The following UVSSA variants were observed in gnomAD, a reference collection of about 807,000 sequenced individuals.
The protein encoded by UVSSA is UV stimulated scaffold protein A, also known as UV-stimulated scaffold protein A.
In UVSSA, 72 loss-of-function variants were observed where a neutral mutation model predicts 73.9. The observed-to-expected ratio is 0.97, with a 90% CI of 0.81 to 1.19. The LOEUF (loss-of-function observed/expected upper bound fraction) is 1.19, where lower values mean the gene tolerates loss of function less well. Among genes scored for constraint, UVSSA ranks in the 50% most tolerant of loss-of-function variants. UVSSA has a pLI of 0.00. For missense variants in UVSSA, 1,150 were observed against 965.0 expected (o/e 1.19, Z -2.54); for synonymous variants, 454 against 391.3 (o/e 1.16, Z -1.89).
chr4:1,383,886 T>C lies in UVSSA; in HGVS notation c.1982T>C (p.Leu661Pro). 1 of 1,613,508 alleles carries C rather than the reference T, an allele frequency of 6.2e-7. No individual in the cohort carries two copies. The highest frequency in any genetic ancestry group is 8.5e-7 in the Non-Finnish European group (1 of 1,179,984). ...KKRRYPSLTN[L>P]KAQADTARAR... ...AGGAGGTACCCCAGCCTCACCAACC[T>C]GAAGGCTCAGGCTGATACCGCCCGC... Residue 661 changes from leucine to proline, a missense_variant, in exon 13 of 14, where the codon CTG (leucine) becomes CCG (proline). Coordinates refer to ENST00000389851, the MANE Select transcript of UVSSA (RefSeq NM_020894.4).
At chr4:1,353,717 C>T (rs1029034320) in intron 5 of UVSSA, among the ~76,000 whole-genome samples, 10 of 152,124 alleles carry the variant, frequency 6.6e-5, no homozygotes, top group African/African-American at 9.7e-5. Context: ...GAGGCTGTTG[C>T]GGTCCTCAAA....
intron 8 of UVSSA, among the ~76,000 whole-genome samples, chr4:1,369,620 C>T (rs1211954600): frequency 6.6e-6 from 1 of 152,208 alleles, no homozygotes; most frequent in Non-Finnish European, 1.5e-5. Flanking sequence ...TAATCTCTTT[C>T]TCCAATTTAC....
At chr4:1,351,615 T>G (rs1456470707) in intron 3 of UVSSA, 100 bp from the exon 4 acceptor site, 1 of 1,295,046 alleles carries the variant, frequency 7.7e-7, no homozygotes, top group Non-Finnish European at 1.1e-6. Context: ...GGTCTCGATC[T>G]CCTGACCTCG....
intron 1 of UVSSA, 69 bp from the exon 2 acceptor site, chr4:1,348,021 C>CA (rs1713979366): frequency 1.5e-6 from 2 of 1,342,696 alleles, no homozygotes; most frequent in African/African-American, 2.9e-5. Flanking sequence ...ACCCAGTAAA[C>CA]ACGTTAATAA....
chr4:1,382,630 T>C (rs903889407), intron 12 of UVSSA, among the ~76,000 whole-genome samples: 1 of 152,242 alleles, frequency 6.6e-6, no homozygotes, highest in Non-Finnish European at 1.5e-5. Flanking sequence ...GTTCCTAAAC[T>C]GTGGCGCCTT....
intron 7 of UVSSA, 71 bp downstream of exon 7, chr4:1,355,316 T>A: frequency 7.6e-7 from 1 of 1,321,512 alleles, no homozygotes; most frequent in Non-Finnish European, 1.0e-6. Flanking sequence ...TGTGGGGGGG[T>A]TGTGCCCTGG....
chr4:1,352,938 C>G, intron 4 of UVSSA, 92 bp from the exon 5 acceptor site: 2 of 1,498,344 alleles, frequency 1.3e-6, no homozygotes, highest in Non-Finnish European at 1.8e-6. Flanking sequence ...AAGTGACACC[C>G]TGCGGGGAGT....
chr4:1,394,258 C>T (rs1720469230), exon 14 of UVSSA: 2 of 740,930 alleles, frequency 2.7e-6, no homozygotes, highest in South Asian at 1.9e-5. Flanking sequence ...TCTCGTTCCT[C>T]AGATCTTCCT....
rs779113547 is a variant in UVSSA at position 1,375,989 on chromosome 4, G to A, written c.1434-45G>A. ...GGGAGGGAGAGGAGGGTGGCTGTGGGTGGCACCAGCAGCACCGTCAGGCTG... is the reference window on the plus strand; with the variant it reads ...GGGAGGGAGAGGAGGGTGGCTGTGGATGGCACCAGCAGCACCGTCAGGCTG... On this transcript the variant is annotated intron_variant, in intron 9 of 13. Transcript: ENST00000389851. The A allele has an allele frequency of 6.4e-6, 10 of 1,563,784 alleles. No homozygotes were observed. In the South Asian group the frequency reaches 9.4e-5, roughly 15 times the overall value.
At chr4:1,378,957 A>C (rs547493296) in intron 10 of UVSSA, among the ~76,000 whole-genome samples, 314 of 152,302 alleles carry the variant, frequency 2.1e-3, no homozygotes, top group Non-Finnish European at 3.5e-3. Flanking sequence ...CTCATCCCAG[A>C]CCAAGGTGGA....
At chr4:1,352,961 G>T (rs999817373) in intron 4 of UVSSA, 69 bp from the exon 5 acceptor site, 2 of 1,541,228 alleles carry the variant, frequency 1.3e-6, no homozygotes, top group Non-Finnish European at 1.8e-6. Context: ...GCCTCTGAGT[G>T]TGGTTTTGAG....
chr4:1,353,542 C>T, intron 5 of UVSSA, 129 bp downstream of exon 5: 2 of 1,275,918 alleles, frequency 1.6e-6, no homozygotes, highest in Non-Finnish European at 2.1e-6. Flanking sequence ...GGTCAGGGGT[C>T]ACCACCAGGT....
At position 1,366,419 on chromosome 4, in the gene UVSSA, C is replaced by T. The variant is rs201394250; in HGVS notation, c.1276C>T (p.Arg426Trp). ...GYEPHIPDHL[R>W]PEYGLEAAPE... The stretch of plus-strand genomic sequence containing the variant: ...TGAGCCACACATCCCCGACCACTTG[C>T]GGCCTGAGTATGGTGAGCAGTGGGT... The change falls in exon 8 of 14, where the codon CGG becomes TGG. Residue 426 changes from arginine to tryptophan, a missense_variant. By Grantham distance (101) the Arg-to-Trp change is moderately radical. Coordinates refer to ENST00000389851, the MANE Select transcript of UVSSA (RefSeq NM_020894.4). 2.0e-4 allele frequency: 330 copies of T among 1,610,452 alleles called. No homozygotes were observed. The highest frequency in any genetic ancestry group is 2.6e-4 in the Non-Finnish European group (303 of 1,178,254).
intron 3 of UVSSA, among the ~76,000 whole-genome samples, chr4:1,350,368 G>A (rs1404766035): frequency 6.6e-6 from 1 of 152,158 alleles, no homozygotes; most frequent in Non-Finnish European, 1.5e-5. Flanking sequence ...CTGCCACGAA[G>A]GCTCAGTCCT....
rs921198963 is a variant in UVSSA at position 1,365,773 on chromosome 4, C to G, written c.1177-547C>G. 2.6e-5 allele frequency among the ~76,000 whole-genome samples: 4 copies of G among 152,296 alleles called. No homozygotes were observed. In the East Asian group the frequency reaches 7.7e-4, roughly 29 times the overall value. Reference sequence around the variant, plus strand: ...GGCCCGTTGCCTAAGAGCAGACGCACCTGCTCCACCTGGTGGGAAGATAAC... The same window carrying G: ...GGCCCGTTGCCTAAGAGCAGACGCAGCTGCTCCACCTGGTGGGAAGATAAC... On this transcript the variant is annotated intron_variant, in intron 7 of 13. Transcript: ENST00000389851.
chr4:1,394,193 C>T (rs1577396017), exon 14 of UVSSA: 1 of 497,040 alleles, frequency 2.0e-6, no homozygotes, highest in Non-Finnish European at 3.6e-6. Flanking sequence ...TGTGTGGGCA[C>T]AGCCTTCCAT....
intron 12 of UVSSA, among the ~76,000 whole-genome samples, chr4:1,382,185 C>T (rs560536107): frequency 6.6e-6 from 1 of 152,252 alleles, no homozygotes; most frequent in South Asian, 2.1e-4. Flanking sequence ...GGGCCCTGAC[C>T]TGCTAATCTC....
At chr4:1,370,134 C>T (rs1471042901) in intron 8 of UVSSA, among the ~76,000 whole-genome samples, 5 of 152,050 alleles carry the variant, frequency 3.3e-5, no homozygotes, top group Non-Finnish European at 5.9e-5. Context: ...AACAACAAAT[C>T]GATGAAAAAT....
At chr4:1,375,235 C>T in intron 8 of UVSSA, 129 bp from the exon 9 acceptor site, 2 of 1,450,330 alleles carry the variant, frequency 1.4e-6, no homozygotes, top group South Asian at 1.3e-5. Flanking sequence ...AGATAGCAGG[C>T]ACCCACCTCG....
Sources: allele counts gnomAD v4.1 joint callset (sites outside exome capture counted in the v4.1 genomes callset), GRCh38; gene constraint gnomAD v4.1.1; transcripts MANE v1.5; gene names NCBI Gene and HGNC (gene_info 2026-07-23, HGNC 2026-07-21).